CATSPERE: variants seen among roughly 807,000 people sequenced by gnomAD.
CATSPERE encodes catsper channel auxiliary subunit epsilon.
Under a neutral mutation model 114.1 loss-of-function variants are expected in CATSPERE, and 93 were observed. The ratio of observed to expected loss-of-function variants is 0.81; its 90% CI spans 0.69 to 0.97. The LOEUF is 0.97. CATSPERE is among the 50% of genes least tolerant of loss of function. CATSPERE has a pLI of 0.00. For synonymous variants in CATSPERE, 341 were observed against 384.1 expected, an observed-to-expected ratio of 0.89 and a Z score of 1.31; for missense variants, 1,058 against 1,131.6, an observed-to-expected ratio of 0.93 and a Z score of 0.93.
upstream of CATSPERE, chr1:244,461,241 G>T (rs534160699): frequency 9.4e-6 from 4 of 424,648 alleles, no homozygotes; most frequent in South Asian, 5.2e-4. Context: ...GGCCTCTAGG[G>T]AGCCCAGGTA....
At chr1:244,578,312 C>T (rs1325920865) in intron 11 of CATSPERE, among the ~76,000 whole-genome samples, 1 of 152,094 alleles carries the variant, frequency 6.6e-6, no homozygotes, top group Non-Finnish European at 1.5e-5. Context: ...ACCACCACGC[C>T]CAGCTAATTT....
chr1:244,592,463 C>T (rs565593443), intron 15 of CATSPERE, among the ~76,000 whole-genome samples: 9 of 151,704 alleles, frequency 5.9e-5, no homozygotes, highest in African/African-American at 1.9e-4. Context: ...TATAGAAGTC[C>T]ACAGCCTCTG....
upstream of CATSPERE, among the ~76,000 whole-genome samples, chr1:244,456,330 C>T (rs1666160324): frequency 6.6e-6 from 1 of 151,888 alleles, no homozygotes; most frequent in African/African-American, 2.4e-5. Flanking sequence ...TAGCCCTGTT[C>T]CTCCAGGGGC....
intron 8 of CATSPERE, among the ~76,000 whole-genome samples, chr1:244,525,104 G>A (rs1678318294): frequency 6.7e-6 from 1 of 148,572 alleles, no homozygotes; most frequent in South Asian, 2.1e-4. Flanking sequence ...GTCCAACAAT[G>A]ATAGACTGGA....
chr1:244,469,310 A>G (rs1341037971), intron 2 of CATSPERE, among the ~76,000 whole-genome samples: 2 of 152,216 alleles, frequency 1.3e-5, no homozygotes, highest in Non-Finnish European at 2.9e-5. Context: ...ATATAAGTAC[A>G]TAAAAGTATG....
At chr1:244,525,425 C>T (rs759173304) in intron 8 of CATSPERE, among the ~76,000 whole-genome samples, 1 of 151,712 alleles carries the variant, frequency 6.6e-6, no homozygotes, top group Non-Finnish European at 1.5e-5. Flanking sequence ...ACCAGCATGG[C>T]ACATGTATAC....
chr1:244,584,011 A>T, intron 13 of CATSPERE, 72 bp downstream of exon 13: 1 of 1,192,970 alleles, frequency 8.4e-7, no homozygotes, highest in Non-Finnish European at 1.2e-6. Flanking sequence ...AATAATGCAT[A>T]CAATACCTCC....
At chr1:244,496,475 C>T (rs1657387215) in intron 6 of CATSPERE, among the ~76,000 whole-genome samples, 1 of 152,126 alleles carries the variant, frequency 6.6e-6, no homozygotes, top group African/African-American at 2.4e-5. Context: ...CATGTGTGAG[C>T]TGGTGTATCT....
In CATSPERE at chr1:244,593,574, C is replaced by T; in HGVS notation, c.2299C>T (p.Gln767Ter). 1 of 1,611,508 alleles carries T rather than the reference C, an allele frequency of 6.2e-7. No homozygotes were observed. Among genetic ancestry groups the T allele is most frequent in the African/African-American group, 1.3e-5 (1 of 74,970 alleles). ...DFTEKFQPVV[Q>*]LFDDNGYVKD... Reference sequence around the variant, plus strand: ...CACAGAAAAGTTTCAACCTGTGGTTCAACTGTAAGTATATTCTCATCAACA... The same window carrying T: ...CACAGAAAAGTTTCAACCTGTGGTTTAACTGTAAGTATATTCTCATCAACA... Residue 767 changes from glutamine to a stop codon, truncating the protein, a stop_gained, in exon 17 of 22, where the codon CAA becomes TAA. Coordinates refer to ENST00000366534, the MANE Select transcript of CATSPERE (RefSeq NM_001130957.2). LOFTEE classifies it high-confidence loss of function.
At chr1:244,628,652 C>T (rs1673504754) in intron 20 of CATSPERE, among the ~76,000 whole-genome samples, 1 of 152,164 alleles carries the variant, frequency 6.6e-6, no homozygotes, top group South Asian at 2.1e-4. Context: ...GATTATGCCT[C>T]AGGCCATCTC....
At chr1:244,493,600 G>T (rs1427209060) in intron 6 of CATSPERE, among the ~76,000 whole-genome samples, 1 of 152,152 alleles carries the variant, frequency 6.6e-6, no homozygotes, top group Non-Finnish European at 1.5e-5. Flanking sequence ...ACTGACAAAT[G>T]GGATCTAATT....
chr1:244,542,851 T>C (rs1659080027), intron 8 of CATSPERE, among the ~76,000 whole-genome samples: 1 of 151,914 alleles, frequency 6.6e-6, no homozygotes, highest in Non-Finnish European at 1.5e-5. Context: ...ATACAATAGG[T>C]ATGTGAAAAA....
At chr1:244,619,753 A>C (rs1490474347) in intron 20 of CATSPERE, among the ~76,000 whole-genome samples, 2 of 152,208 alleles carry the variant, frequency 1.3e-5, no homozygotes, top group African/African-American at 4.8e-5. Context: ...CTACAGGTGC[A>C]CTGACAATAG....
intron 6 of CATSPERE, among the ~76,000 whole-genome samples, chr1:244,496,358 G>A (rs1011490727): frequency 6.6e-5 from 10 of 152,146 alleles, no homozygotes; most frequent in East Asian, 3.8e-4. Flanking sequence ...GTGTTTTCAC[G>A]CTTAGGACCA....
chr1:244,610,294 C>T lies in CATSPERE; in HGVS notation c.2458C>T (p.His820Tyr). 1 of 1,613,076 alleles carries T rather than the reference C, an allele frequency of 6.2e-7. No individual in the cohort carries two copies. Among genetic ancestry groups the T allele is most frequent in the Non-Finnish European group, 8.5e-7 (1 of 1,179,322 alleles). Residue 820 changes from histidine (H) to tyrosine (Y), a missense_variant, in exon 19 of 22, where the codon CAC (histidine) becomes TAC (tyrosine). His to Tyr is a moderately conservative substitution (Grantham distance 83). Around this residue, in one of 2 missense-constraint regions of CATSPERE, gnomAD observed 787 missense variants for 905.6 expected, o/e 0.87. Coordinates refer to ENST00000366534, the MANE Select transcript of CATSPERE (RefSeq NM_001130957.2). The stretch of plus-strand genomic sequence containing the variant: ...GAAGTCAATGATTGAACTTAACAAG[C>T]ACCTCCCACTAGAAGAAGTCTGGGG... ...TWKSMIELNKHLPLEEVWGPE... is the reference protein window; with the variant it reads ...TWKSMIELNKYLPLEEVWGPE...
chr1:244,476,242 C>T (rs549145619), intron 2 of CATSPERE, among the ~76,000 whole-genome samples: 192 of 152,148 alleles, frequency 1.3e-3, no homozygotes, highest in African/African-American at 4.5e-3. Flanking sequence ...GAGTTTGAGA[C>T]AAGCCTGGTC....
chr1:244,546,391 A>G (rs529697670), intron 8 of CATSPERE, among the ~76,000 whole-genome samples: 1 of 152,334 alleles, frequency 6.6e-6, no homozygotes, highest in South Asian at 2.1e-4. Context: ...ATAAATATCT[A>G]CTACTTCAAT....
chr1:244,522,227 G>A (rs1677693476), intron 8 of CATSPERE, among the ~76,000 whole-genome samples: 1 of 152,158 alleles, frequency 6.6e-6, no homozygotes, highest in Non-Finnish European at 1.5e-5. Flanking sequence ...ACCTGCTCCT[G>A]AATGACTACT....
intron 8 of CATSPERE, among the ~76,000 whole-genome samples, chr1:244,540,738 C>T (rs1372074655): frequency 7.8e-6 from 1 of 128,790 alleles, no homozygotes; most frequent in Non-Finnish European, 1.7e-5. Flanking sequence ...AGGCATCACA[C>T]TACCTGACTT....
Sources: gnomAD v4.1 joint callset for allele counts (sites outside exome capture counted in the v4.1 genomes callset) on GRCh38, gnomAD v4.1.1 for gene constraint, gnomAD v4.1.1 regional missense constraint, MANE v1.5 for transcripts, NCBI Gene and HGNC (gene_info 2026-07-23, HGNC 2026-07-21) for gene names.